SLC35F2: variants seen among roughly 807,000 people sequenced by gnomAD.
SLC35F2 encodes the protein solute carrier family 35 member F2.
In SLC35F2, 25 loss-of-function variants were observed where a neutral mutation model predicts 38.1. That is an observed-to-expected ratio of 0.66 (90% CI 0.48 to 0.92). SLC35F2 has a LOEUF of 0.92. Ranked by LOEUF, SLC35F2 falls within the 40% of genes least tolerant of loss-of-function variation. The probability of loss-of-function intolerance (pLI) is 0.00; values close to 1 mark genes in which losing one functional copy is unlikely to be tolerated. For synonymous variants in SLC35F2, 173 were observed against 181.7 expected, an observed-to-expected ratio of 0.95 and a Z score of 0.38; for missense variants, 409 against 452.9, an observed-to-expected ratio of 0.90 and a Z score of 0.88.
At chr11:107,855,851 G>C (rs995823181) in intron 1 of SLC35F2, among the ~76,000 whole-genome samples, 6 of 150,904 alleles carry the variant, frequency 4.0e-5, no homozygotes, top group Non-Finnish European at 8.8e-5. Flanking sequence ...GGTGGCTTAC[G>C]CTTATAATCC....
chr11:107,804,920 A>C, intron 5 of SLC35F2, 150 bp from the exon 6 acceptor site: 1 of 1,167,876 alleles, frequency 8.6e-7, no homozygotes, highest in East Asian at 2.7e-5. Flanking sequence ...CTTTAATAAA[A>C]ATGACAAAGA....
At chr11:107,832,037 AAT>A (rs930528341) in intron 1 of SLC35F2, among the ~76,000 whole-genome samples, 1 of 151,458 alleles carries the variant, frequency 6.6e-6, no homozygotes. Context: ...AAATTGGCAA[AAT>A]ATTTTTTTTT....
At chr11:107,835,535 A>AT (rs761603212) in intron 1 of SLC35F2, among the ~76,000 whole-genome samples, 2 of 151,500 alleles carry the variant, frequency 1.3e-5, no homozygotes, top group East Asian at 1.9e-4. Flanking sequence ...GGCTCAAGTG[A>AT]TTTTCCCACC....
chr11:107,854,964 G>A (rs1860253842), intron 1 of SLC35F2, among the ~76,000 whole-genome samples: 1 of 152,110 alleles, frequency 6.6e-6, no homozygotes, highest in Non-Finnish European at 1.5e-5. Flanking sequence ...CACAGGTGGG[G>A]ATTCACAAAG....
chr11:107,816,267 C>CGTGTGTGT (rs72313181), intron 1 of SLC35F2: 30,462 of 953,890 alleles, frequency 0.032, 266 homozygotes, highest in African/African-American at 0.064. Flanking sequence ...AAAGTGCGCA[C>CGTGTGTGT]GTGTGTGTGT....
chr11:107,832,220 T>C (rs947782530), intron 1 of SLC35F2, among the ~76,000 whole-genome samples: 16 of 152,268 alleles, frequency 1.1e-4, no homozygotes, highest in African/African-American at 3.9e-4. Flanking sequence ...GTCACTTTAG[T>C]TGTAACTCAG....
chr11:107,799,890 T>TG lies in SLC35F2; in HGVS notation c.939+3110_939+3111insC, dbSNP rs777352866. 4.0e-3 allele frequency among the ~76,000 whole-genome samples: 348 copies of TG among 86,002 alleles called. 1 individual carries two copies. The highest frequency in any genetic ancestry group is 0.018 in the African/African-American group (301 of 16,726). 56.4% of individuals were successfully genotyped at this position (86,002 alleles called of 152,430 possible). A position where few individuals can be genotyped will look rare whatever the true frequency, so the allele number is the denominator to read the frequency against. On this transcript the variant is annotated intron_variant, in intron 7 of 7. Transcript: ENST00000525815. ...GGCTTTTTTTTTGTTTTTGTTTGTT[T>TG]TTGTTTTTTTTTTTTTGAGACAGAG... is the stretch of plus-strand genomic sequence containing the variant.
chr11:107,829,418 CA>C (rs67129262), intron 1 of SLC35F2, among the ~76,000 whole-genome samples: 12,149 of 137,042 alleles, frequency 0.089, 558 homozygotes, highest in African/African-American at 0.14. Context: ...GACTACATCT[CA>C]AAAAAAAAAA....
chr11:107,856,804 A>T (rs1268216110), intron 1 of SLC35F2, among the ~76,000 whole-genome samples: 4 of 102,314 alleles, frequency 3.9e-5, no homozygotes, highest in Non-Finnish European at 7.8e-5. Flanking sequence ...CCAAGAAGGG[A>T]GGGAGGGAGG....
chr11:107,821,689 T>C (rs1859675489), intron 1 of SLC35F2: 1 of 886,922 alleles, frequency 1.1e-6, no homozygotes, highest in Non-Finnish European at 1.4e-6. Context: ...AACATGCATC[T>C]GACCTTGGGA....
At chr11:107,831,696 G>C (rs1335230277) in intron 1 of SLC35F2, among the ~76,000 whole-genome samples, 1 of 152,182 alleles carries the variant, frequency 6.6e-6, no homozygotes, top group Non-Finnish European at 1.5e-5. Flanking sequence ...GTCAAAGTTA[G>C]CAGTGACAAT....
intron 1 of SLC35F2, 47 bp downstream of exon 1, chr11:107,858,611 G>C (rs2134876049): frequency 8.0e-7 from 1 of 1,251,546 alleles, no homozygotes; most frequent in Non-Finnish European, 1.0e-6. Context: ...AGGGCCCGCA[G>C]CCGCCCCCAC....
intron 1 of SLC35F2, among the ~76,000 whole-genome samples, chr11:107,849,897 G>C (rs1285222143): frequency 1.3e-5 from 2 of 152,124 alleles, no homozygotes; most frequent in Non-Finnish European, 2.9e-5. Context: ...TTCAATTCCA[G>C]TCTTACCTCT....
At chr11:107,823,192 T>G in intron 1 of SLC35F2, 5 of 985,406 alleles carry the variant, frequency 5.1e-6, no homozygotes, top group Non-Finnish European at 6.0e-6. Context: ...TATCAGCCTA[T>G]TTTAAGTCTC....
At chr11:107,805,063 T>C in intron 5 of SLC35F2, 8 of 985,376 alleles carry the variant, frequency 8.1e-6, no homozygotes, top group Non-Finnish European at 9.6e-6. Flanking sequence ...TGTGTTAATA[T>C]TTTCTGGAAA....
intron 1 of SLC35F2, among the ~76,000 whole-genome samples, chr11:107,824,236 T>C (rs941844361): frequency 2.6e-5 from 4 of 152,212 alleles, no homozygotes; most frequent in African/African-American, 9.6e-5. Flanking sequence ...AATCAGTGTT[T>C]TCTTTTTGCT....
chr11:107,856,423 G>T (rs1334726766), intron 1 of SLC35F2, among the ~76,000 whole-genome samples: 1 of 152,094 alleles, frequency 6.6e-6, no homozygotes, highest in South Asian at 2.1e-4. Context: ...GGCTGGGCGC[G>T]GTGGCTCACG....
chr11:107,849,595 C>T (rs570333616), intron 1 of SLC35F2, among the ~76,000 whole-genome samples: 4 of 146,412 alleles, frequency 2.7e-5, no homozygotes, highest in East Asian at 2.0e-4. Flanking sequence ...GCTGAGATTG[C>T]GCCACTGCAC....
rs1364964468 is a variant in SLC35F2 at position 107,810,347 on chromosome 11, T to C, written c.414+1320A>G. The stretch of plus-strand genomic sequence containing the variant: ...AGTCGCAACTATCCAACTGTAAGTG[T>C]TCTGTTTAACTGTGTTTAGGCCTTG... On this transcript the variant is annotated intron_variant, in intron 3 of 7. Transcript: ENST00000525815. 3.0e-6 allele frequency: 3 copies of C among 984,982 alleles called. No homozygotes were observed. The African/African-American group carries it at 5.2e-5, about 17-fold the overall frequency. The allele number at this position is 984,982 out of a possible 1,614,324, so 61.0% of individuals were successfully genotyped here.
Sources: allele counts gnomAD v4.1 joint callset (sites outside exome capture counted in the v4.1 genomes callset), GRCh38; gene constraint gnomAD v4.1.1; transcripts MANE v1.5; gene names NCBI Gene and HGNC (gene_info 2026-07-23, HGNC 2026-07-21).